The following TMEM236 variants were observed in gnomAD, a reference collection of about 807,000 sequenced individuals.
TMEM236 encodes transmembrane protein 236, also known as family with sequence similarity 23, member A.
Under a neutral mutation model 14.7 loss-of-function variants are expected in TMEM236, and 11 were observed. The observed-to-expected ratio is 0.75, with a 90% confidence interval of 0.47 to 1.24. TMEM236 has a LOEUF of 1.24. Ranked by LOEUF, TMEM236 falls within the 50% of genes most tolerant of loss-of-function variation. The pLI, the probability that TMEM236 is intolerant of heterozygous loss-of-function variation, is 0.00. For missense variants in TMEM236, 464 were observed against 427.3 expected (o/e 1.09, Z -0.76); for synonymous variants, 182 against 168.6 (o/e 1.08, Z -0.62).
At chr10:17,781,069 G>A (rs1446648169) in intron 3 of TMEM236, among the ~76,000 whole-genome samples, 1 of 152,158 alleles carries the variant, frequency 6.6e-6, no homozygotes, top group Non-Finnish European at 1.5e-5. Context: ...CAAAGAGAAG[G>A]GAAGATGGAG....
At chr10:17,779,774 C>T (rs992060191) in intron 3 of TMEM236, among the ~76,000 whole-genome samples, 259 of 152,142 alleles carry the variant, frequency 1.7e-3, no homozygotes, top group Non-Finnish European at 2.9e-3. Context: ...TGGTCCAGAC[C>T]CCTGACTACC....
In TMEM236 at chr10:17,752,378, C is replaced by G; in HGVS notation, c.83C>G (p.Thr28Arg). The G allele has an allele frequency of 6.2e-7, 1 of 1,613,870 alleles. No homozygotes were observed. The highest frequency in any genetic ancestry group is 8.5e-7 in the Non-Finnish European group (1 of 1,179,858). The change falls in exon 1 of 4, where the codon ACA becomes AGA. Residue 28 changes from threonine to arginine, a missense_variant. Coordinates refer to ENST00000377495, the MANE Select transcript of TMEM236 (RefSeq NM_001098844.3). ...TTCTCCATCCCCACACTCGTGATCA[C>G]AGAACAGTTTGCCACCGCCTACCAA... ...AAFSIPTLVI[T>R]EQFATAYQGT...
At chr10:17,757,503 G>C (rs1837300577) in intron 1 of TMEM236, among the ~76,000 whole-genome samples, 1 of 151,822 alleles carries the variant, frequency 6.6e-6, no homozygotes, top group African/African-American at 2.4e-5. Context: ...GGGAGCTAAA[G>C]GGGGACGATC....
In TMEM236 at chr10:17,797,092, AG is replaced by A. The variant is rs1444444940; in HGVS notation, c.*590del. On this transcript the variant is annotated 3_prime_UTR_variant, in exon 4 of 4. Coordinates refer to ENST00000377495, the MANE Select transcript of TMEM236 (RefSeq NM_001098844.3). ...ACAAAACTAGTCCCTGGTGCCAAAAAGGTTGGGGACCACTGATGTATACCAC... is the reference window on the plus strand; with the variant it reads ...ACAAAACTAGTCCCTGGTGCCAAAAAGTTGGGGACCACTGATGTATACCAC... 6.3e-6 allele frequency: 1 copy of A among 159,268 alleles called. No homozygotes were observed. Among genetic ancestry groups the A allele is most frequent in the African/African-American group, 2.4e-5 (1 of 41,462 alleles). The allele number at this position is 159,268 out of a possible 1,614,324, so 9.9% of individuals were successfully genotyped here.
chr10:17,790,371 G>A (rs1350884650), intron 3 of TMEM236, among the ~76,000 whole-genome samples: 1 of 152,094 alleles, frequency 6.6e-6, no homozygotes, highest in Non-Finnish European at 1.5e-5. Context: ...TCCTAGTACA[G>A]TATCTTAGAC....
intron 3 of TMEM236, among the ~76,000 whole-genome samples, chr10:17,782,139 AC>A (rs1270978308): frequency 6.7e-6 from 1 of 150,050 alleles, no homozygotes; most frequent in East Asian, 1.9e-4. Flanking sequence ...AGGCAGAGTG[AC>A]CCGTCTTGGT....
intron 2 of TMEM236, among the ~76,000 whole-genome samples, chr10:17,774,029 T>TTG (rs1554835037): frequency 1.7e-4 from 23 of 133,494 alleles, no homozygotes; most frequent in African/African-American, 5.8e-4. Context: ...ATATATATAT[T>TTG]TTTGTTTGTT....
chr10:17,764,014 A>G (rs1837419547), intron 1 of TMEM236, among the ~76,000 whole-genome samples: 2 of 151,840 alleles, frequency 1.3e-5, no homozygotes, highest in African/African-American at 4.8e-5. Flanking sequence ...CATGATATGA[A>G]CTCATTGAGT....
At chr10:17,769,037 T>G (rs1250825528) in intron 1 of TMEM236, among the ~76,000 whole-genome samples, 4 of 152,324 alleles carry the variant, frequency 2.6e-5, no homozygotes, top group Middle Eastern at 3.4e-3. Context: ...CTTGCAGGAC[T>G]AAAGCTTTAT....
chr10:17,771,120 G>T (rs1837564450), intron 1 of TMEM236, among the ~76,000 whole-genome samples, 189 bp from the exon 2 acceptor site: 2 of 152,170 alleles, frequency 1.3e-5, no homozygotes, highest in Admixed American at 1.3e-4. Flanking sequence ...TGTTCTAGAA[G>T]AAGCATTCTG....
intron 3 of TMEM236, among the ~76,000 whole-genome samples, chr10:17,780,983 C>T (rs1422539745): frequency 7.2e-5 from 11 of 152,274 alleles, no homozygotes; most frequent in African/African-American, 1.4e-4. Context: ...GTCACCCCAC[C>T]GTAATCTTAT....
intron 1 of TMEM236, among the ~76,000 whole-genome samples, chr10:17,759,367 A>G (rs1223070668): frequency 2.0e-5 from 3 of 152,168 alleles, no homozygotes; most frequent in East Asian, 3.9e-4. Context: ...ACCTAGAGCT[A>G]TATTTTGGGT....
chr10:17,768,177 C>T (rs1554834501), intron 1 of TMEM236, among the ~76,000 whole-genome samples: 2 of 149,928 alleles, frequency 1.3e-5, no homozygotes, highest in African/African-American at 2.5e-5. Flanking sequence ...ATCCACCCAC[C>T]TTGGCCTCCC....
At chr10:17,768,727 A>ATGTGTT (rs1554834525) in intron 1 of TMEM236, among the ~76,000 whole-genome samples, 4 of 144,202 alleles carry the variant, frequency 2.8e-5, no homozygotes, top group Non-Finnish European at 6.1e-5. Flanking sequence ...TATACAACTC[A>ATGTGTT]TGTGTGTGTG....
At chr10:17,772,415 C>T (rs1284274867) in intron 2 of TMEM236, among the ~76,000 whole-genome samples, 2 of 152,194 alleles carry the variant, frequency 1.3e-5, no homozygotes, top group Non-Finnish European at 2.9e-5. Context: ...TCTGTCTTTT[C>T]CCCTCTCAAA....
At chr10:17,767,817 C>T (rs1367868783) in intron 1 of TMEM236, among the ~76,000 whole-genome samples, 4 of 151,918 alleles carry the variant, frequency 2.6e-5, no homozygotes, top group African/African-American at 7.3e-5. Flanking sequence ...TATGTCACAA[C>T]GGTTGTAGGA....
At chr10:17,780,984 G>A (rs984315420) in intron 3 of TMEM236, among the ~76,000 whole-genome samples, 7 of 152,138 alleles carry the variant, frequency 4.6e-5, no homozygotes, top group African/African-American at 1.4e-4. Context: ...TCACCCCACC[G>A]TAATCTTATT....
chr10:17,766,758 A>G (rs1837472523), intron 1 of TMEM236, among the ~76,000 whole-genome samples: 1 of 152,236 alleles, frequency 6.6e-6, no homozygotes, highest in Non-Finnish European at 1.5e-5. Flanking sequence ...TCAAAATTCC[A>G]GAGCTGAAAA....
intron 1 of TMEM236, among the ~76,000 whole-genome samples, chr10:17,762,628 C>CATACAT (rs1554834080): frequency 1.0e-4 from 8 of 79,528 alleles, no homozygotes; most frequent in East Asian, 3.4e-4. Context: ...TACACACATA[C>CATACAT]ATATATATAT....
Sources: gnomAD v4.1 joint callset for allele counts (sites outside exome capture counted in the v4.1 genomes callset) on GRCh38, gnomAD v4.1.1 for gene constraint, MANE v1.5 for transcripts, NCBI Gene and HGNC (gene_info 2026-07-23, HGNC 2026-07-21) for gene names.